Variants in KAZN observed in about 807,000 individuals in gnomAD.
KAZN encodes kazrin.
KAZN carries 40 observed loss-of-function variants against 87.4 expected under a neutral mutation model. That is an observed-to-expected ratio of 0.46 (90% CI 0.36 to 0.60). The LOEUF is 0.60. Among genes scored for constraint, KAZN ranks in the 20% least tolerant of loss-of-function variants. The pLI, the probability that KAZN is intolerant of heterozygous loss-of-function variation, is 0.00. For synonymous variants in KAZN, 466 were observed against 458.3 expected, an observed-to-expected ratio of 1.02 and a Z score of -0.22; for missense variants, 898 against 1,073.9, an observed-to-expected ratio of 0.84 and a Z score of 2.29.
chr1:14,609,396 T>C (rs1677634910), intron 1 of KAZN, among the ~76,000 whole-genome samples: 2 of 152,230 alleles, frequency 1.3e-5, no homozygotes, highest in South Asian at 4.1e-4. Context: ...GATCATGATC[T>C]CATGGTCAGC....
At chr1:14,081,099 G>C (rs1287617447) in intron 1 of KAZN, among the ~76,000 whole-genome samples, 2 of 150,056 alleles carry the variant, frequency 1.3e-5, no homozygotes, top group African/African-American at 4.9e-5. Flanking sequence ...GGACACACAT[G>C]GTGTTGGTTT....
intron 5 of KAZN, among the ~76,000 whole-genome samples, chr1:15,057,279 C>T (rs1186708359): frequency 6.6e-6 from 1 of 152,222 alleles, no homozygotes; most frequent in African/African-American, 2.4e-5. Context: ...TCAGTTTCCT[C>T]ATGTGTAAAA....
intron 1 of KAZN, among the ~76,000 whole-genome samples, chr1:13,900,051 G>A (rs1299018447): frequency 2.6e-5 from 4 of 151,856 alleles, no homozygotes; most frequent in African/African-American, 9.7e-5. Context: ...TCATCCTTAT[G>A]AGTAGCTGCT....
At chr1:14,805,640 C>T (rs1183606949) in intron 1 of KAZN, among the ~76,000 whole-genome samples, 1 of 151,934 alleles carries the variant, frequency 6.6e-6, no homozygotes, top group Non-Finnish European at 1.5e-5. Flanking sequence ...TGACTGTAAT[C>T]CCAGCTACTC....
chr1:14,444,134 A>G (rs1396338350), intron 2 of KAZN, among the ~76,000 whole-genome samples: 1 of 152,044 alleles, frequency 6.6e-6, no homozygotes, highest in Non-Finnish European at 1.5e-5. Context: ...ACACAGAGTA[A>G]CTCTCAAACT....
chr1:14,060,847 T>C (rs1214942284), intron 1 of KAZN, among the ~76,000 whole-genome samples: 2 of 152,188 alleles, frequency 1.3e-5, no homozygotes, highest in Non-Finnish European at 2.9e-5. Flanking sequence ...TTGGGCAAAT[T>C]GGGATGTTTG....
intron 1 of KAZN, among the ~76,000 whole-genome samples, chr1:13,945,977 G>T (rs1040995825): frequency 1.3e-5 from 2 of 152,094 alleles, no homozygotes; most frequent in African/African-American, 4.8e-5. Context: ...TCCAAAAAAG[G>T]CCTCTCTCCA....
At chr1:14,108,111 C>T (rs1644419025) in intron 1 of KAZN, among the ~76,000 whole-genome samples, 1 of 152,084 alleles carries the variant, frequency 6.6e-6, no homozygotes, top group South Asian at 2.1e-4. Context: ...TAGAAGCTTG[C>T]CGTGGCCTCC....
intron 1 of KAZN, among the ~76,000 whole-genome samples, chr1:13,942,525 C>T (rs1303681094): frequency 2.7e-5 from 3 of 112,736 alleles, no homozygotes; most frequent in East Asian, 2.6e-4. Context: ...CCGGCCTGGG[C>T]GACAGAGCGA....
intron 2 of KAZN, among the ~76,000 whole-genome samples, chr1:14,421,182 GATAA>G (rs1302585433): frequency 6.6e-6 from 1 of 152,226 alleles, no homozygotes; most frequent in Non-Finnish European, 1.5e-5. Flanking sequence ...TTGTATCAAT[GATAA>G]ATAATTGTTT....
intron 1 of KAZN, among the ~76,000 whole-genome samples, chr1:14,082,540 G>C (rs1041904412): frequency 2.0e-5 from 3 of 152,118 alleles, no homozygotes; most frequent in Admixed American, 6.5e-5. Context: ...AGTTAATAGT[G>C]TGTTCTGGGC....
At chr1:14,326,667 T>C (rs1011274018) in intron 2 of KAZN, among the ~76,000 whole-genome samples, 3 of 152,148 alleles carry the variant, frequency 2.0e-5, no homozygotes, top group African/African-American at 7.2e-5. Flanking sequence ...CTCTCCTCTT[T>C]CCACTCCCTG....
rs185931816 is a variant in KAZN at position 14,378,146 on chromosome 1, A to G, written c.249+197554A>G. On this transcript the variant is annotated intron_variant, in intron 2 of 16. Transcript: ENST00000636203. ...TATTCACCAGTGAACTAGGTCCCAT[A>G]TGACACAACATGTAAGCAAACACAT... Among the ~76,000 whole-genome samples, 9 of 152,370 alleles carry G rather than the reference A, an allele frequency of 5.9e-5. No individual in the cohort carries two copies. The East Asian group carries it at 1.5e-3, about 26-fold the overall frequency.
At chr1:14,398,634 T>A (rs1004959871) in intron 2 of KAZN, among the ~76,000 whole-genome samples, 5 of 152,182 alleles carry the variant, frequency 3.3e-5, no homozygotes, top group African/African-American at 1.2e-4. Flanking sequence ...TGGGCTCACT[T>A]TTCCCAGAAG....
At chr1:14,303,218 C>T (rs1394052483) in intron 2 of KAZN, among the ~76,000 whole-genome samples, 1 of 152,130 alleles carries the variant, frequency 6.6e-6, no homozygotes, top group Non-Finnish European at 1.5e-5. Context: ...GTTAGAAATG[C>T]AGATCTCTGA....
chr1:14,948,255 G>C lies in KAZN; in HGVS notation c.227-12429G>C, dbSNP rs1420951245. ...GGCTTATGTAACTGAAAAGTTCAGG[G>C]ATAGGATCTGGCTTCAGGTGTGGTG... On this transcript the variant is annotated intron_variant, in intron 1 of 14. Transcript: ENST00000376030. Among the ~76,000 whole-genome samples the C allele has an allele frequency of 2.0e-5, 3 of 152,340 alleles. No homozygotes were observed. In the East Asian group the frequency reaches 5.8e-4, roughly 29 times the overall value.
At chr1:14,379,916 G>A (rs1488240684) in intron 2 of KAZN, among the ~76,000 whole-genome samples, 4 of 152,136 alleles carry the variant, frequency 2.6e-5, no homozygotes, top group South Asian at 2.1e-4. Flanking sequence ...TGGGCCTTAG[G>A]CGAGACCCAG....
intron 2 of KAZN, among the ~76,000 whole-genome samples, chr1:14,529,783 G>A (rs1295992881): frequency 6.6e-6 from 1 of 152,204 alleles, no homozygotes; most frequent in East Asian, 1.9e-4. Context: ...ACGGACCAGG[G>A]CATTGCAAGC....
intron 2 of KAZN, among the ~76,000 whole-genome samples, chr1:14,260,274 A>G (rs1426290102): frequency 6.6e-6 from 1 of 152,212 alleles, no homozygotes; most frequent in African/African-American, 2.4e-5. Flanking sequence ...CACACGATAA[A>G]CAAAAGAAAC....
Sources: gnomAD v4.1 joint callset for allele counts (sites outside exome capture counted in the v4.1 genomes callset) on GRCh38, gnomAD v4.1.1 for gene constraint, MANE v1.5 for transcripts, NCBI Gene and HGNC (gene_info 2026-07-23, HGNC 2026-07-21) for gene names.